The following SH3KBP1 variants were observed in gnomAD, a reference collection of about 807,000 sequenced individuals.
SH3KBP1 encodes SH3 domain containing kinase binding protein 1, also known as SH3 domain-containing kinase-binding protein 1.
Under a neutral mutation model 50.1 loss-of-function variants are expected in SH3KBP1, and 8 were observed. The observed-to-expected ratio is 0.16, with a 90% CI of 0.09 to 0.29. The LOEUF (loss-of-function observed/expected upper bound fraction) is 0.29. Among genes scored for constraint, SH3KBP1 ranks in the 10% least tolerant of loss-of-function variants. SH3KBP1 has a pLI of 1.00. For missense variants in SH3KBP1, 377 were observed against 535.2 expected (o/e 0.70, Z 2.92); for synonymous variants, 227 against 218.6 (o/e 1.04, Z -0.34).
At chrX:19,785,270 C>T (rs2066304442) in intron 2 of SH3KBP1, among the ~76,000 whole-genome samples, 1 of 109,571 alleles carries the variant, frequency 9.1e-6, no homozygotes, top group Non-Finnish European at 1.9e-5. Context: ...AATTCTCAAG[C>T]ACTTTTGGAG....
chrX:19,546,982 T>G (rs950861508), intron 14 of SH3KBP1, among the ~76,000 whole-genome samples: 1 of 110,171 alleles, frequency 9.1e-6, no homozygotes, highest in Non-Finnish European at 1.9e-5. Context: ...CGAAACTCTA[T>G]CTCTACGAAA....
chrX:19,869,403 A>ATGT (rs1439376033), intron 1 of SH3KBP1, among the ~76,000 whole-genome samples: 1 of 112,031 alleles, frequency 8.9e-6, no homozygotes, highest in African/African-American at 3.2e-5. Context: ...GGTGGAAGTG[A>ATGT]TGTAAGCAGT....
chrX:19,618,558 T>C (rs1447690619), intron 8 of SH3KBP1, among the ~76,000 whole-genome samples: 5 of 111,515 alleles, frequency 4.5e-5, no homozygotes, highest in Non-Finnish European at 9.4e-5. Context: ...ACCAGAATTA[T>C]TTATTGATTT....
At chrX:19,619,360 A>T (rs767072641) in intron 8 of SH3KBP1, among the ~76,000 whole-genome samples, 24 of 112,834 alleles carry the variant, frequency 2.1e-4, no homozygotes, top group Non-Finnish European at 4.5e-4. Context: ...GGACCTTCCC[A>T]ATGTCCTCGT....
rs142679668 is a variant in SH3KBP1, at chrX:19,862,626, A to T, written c.4+24681T>A. Among the ~76,000 whole-genome samples, 869 of 110,002 alleles carry T rather than the reference A, an allele frequency of 7.9e-3. 5 individuals carry two copies. The highest frequency in any genetic ancestry group is 0.013 in the Non-Finnish European group (684 of 52,883). ...GCCTCAAACTAGATACTATTCAGACATGTTACAGCCAAGTTAGTGTGAGTT... is the reference window on the plus strand; with the variant it reads ...GCCTCAAACTAGATACTATTCAGACTTGTTACAGCCAAGTTAGTGTGAGTT... On this transcript the variant is annotated intron_variant, in intron 1 of 17. Transcript: ENST00000397821.
At chrX:19,704,595 T>C (rs1477618010) in intron 4 of SH3KBP1, among the ~76,000 whole-genome samples, 4 of 112,466 alleles carry the variant, frequency 3.6e-5, no homozygotes, top group Admixed American at 1.9e-4. Flanking sequence ...TGCAAAAAAC[T>C]CTTTTTGTAT....
chrX:19,711,682 C>A (rs780912733), intron 3 of SH3KBP1, among the ~76,000 whole-genome samples: 80 of 98,000 alleles, frequency 8.2e-4, no homozygotes, highest in Admixed American at 2.3e-3. Context: ...CTGATATTTT[C>A]AAAGAATCCA....
At chrX:19,805,925 G>A (rs1012997325) in intron 2 of SH3KBP1, among the ~76,000 whole-genome samples, 2 of 111,589 alleles carry the variant, frequency 1.8e-5, no homozygotes, top group African/African-American at 6.5e-5. Flanking sequence ...ATTGCTAATG[G>A]TTGAAGAACT....
chrX:19,809,538 A>G (rs190084594), intron 2 of SH3KBP1, among the ~76,000 whole-genome samples: 6 of 111,236 alleles, frequency 5.4e-5, no homozygotes, highest in Admixed American at 2.9e-4. Context: ...AGAAAGAAAG[A>G]AAAAAAAAGT....
intron 11 of SH3KBP1, among the ~76,000 whole-genome samples, chrX:19,590,829 T>A (rs1424345858): frequency 1.1e-5 from 1 of 88,111 alleles, no homozygotes; most frequent in African/African-American, 4.2e-5. Flanking sequence ...TTTTTTTTTT[T>A]TTTTTTTTTT....
intron 1 of SH3KBP1, among the ~76,000 whole-genome samples, chrX:19,876,465 A>C (rs1033693923): frequency 2.7e-5 from 3 of 111,819 alleles, no homozygotes; most frequent in African/African-American, 9.8e-5. Context: ...AGGACAATAG[A>C]GCAGTCTCCT....
intron 5 of SH3KBP1, among the ~76,000 whole-genome samples, chrX:19,685,182 G>C (rs191098940): frequency 1.8e-5 from 2 of 112,228 alleles, no homozygotes; most frequent in Admixed American, 9.4e-5. Flanking sequence ...AGCCAATTGT[G>C]CATTATCTTC....
Position 19,542,102 on chromosome X carries a change from G to A in SH3KBP1, c.1715C>T (p.Ser572Phe). The A allele has an allele frequency of 1.7e-6, 2 of 1,211,296 alleles. No individual in the cohort carries two copies. The highest frequency in any genetic ancestry group is 2.2e-6 in the Non-Finnish European group (2 of 895,181). Residue 572 changes from serine to phenylalanine, a missense_variant, in exon 16 of 18, where the codon TCC (serine) becomes TTC (phenylalanine). Coordinates refer to ENST00000397821, the MANE Select transcript of SH3KBP1 (RefSeq NM_031892.3). ...GPAPLSSAAP[S>F]PLSSSLGTAG... ...TGTTCCCAAAGAGGATGACAGGGGG[G>A]AGGGCGCCGCTGAGGACAGAGGGGC...
chrX:19,718,141 C>T (rs1302340576), intron 3 of SH3KBP1, among the ~76,000 whole-genome samples: 21 of 76,310 alleles, frequency 2.8e-4, no homozygotes, highest in Non-Finnish European at 5.1e-4. Flanking sequence ...TTTATAAATA[C>T]ACACACACAC....
intron 6 of SH3KBP1, among the ~76,000 whole-genome samples, chrX:19,677,226 G>A (rs2062949927): frequency 9.0e-6 from 1 of 111,255 alleles, no homozygotes; most frequent in Non-Finnish European, 1.9e-5. Context: ...TGTAATACCT[G>A]ACACTCCTTT....
At chrX:19,841,342 T>C (rs972653461) in intron 1 of SH3KBP1, among the ~76,000 whole-genome samples, 1 of 112,540 alleles carries the variant, frequency 8.9e-6, no homozygotes, top group African/African-American at 3.2e-5. Flanking sequence ...TTCTAAATCC[T>C]TCACCTAGCA....
rs373645610 is a variant in SH3KBP1, at chrX:19,827,890, A to AAAAC, written c.162+8231_162+8234dup. On this transcript the variant is annotated intron_variant, in intron 2 of 17. Transcript: ENST00000397821. ...GGTCTGTCATGGTCTGTTAAACAAA[A>AAAAC]AAACAAACAAACAAACAAACAAACA... is the stretch of plus-strand genomic sequence containing the variant. Among the ~76,000 whole-genome samples the AAAAC allele has an allele frequency of 8.6e-3, 875 of 101,251 alleles. 26 individuals are homozygous for AAAAC. The highest frequency in any genetic ancestry group is 0.082 in the East Asian group (276 of 3,354). The allele number at this position is 101,251 out of a possible 115,157, so 87.9% of individuals were successfully genotyped here.
intron 1 of SH3KBP1, among the ~76,000 whole-genome samples, chrX:19,862,725 T>A (rs1303048841): frequency 1.8e-5 from 2 of 111,952 alleles, no homozygotes; most frequent in Non-Finnish European, 3.8e-5. Flanking sequence ...CATGAACTTG[T>A]TGAAGTCTCC....
At chrX:19,818,550 G>A (rs1603262879) in intron 2 of SH3KBP1, among the ~76,000 whole-genome samples, 1 of 111,773 alleles carries the variant, frequency 8.9e-6, no homozygotes, top group Admixed American at 9.5e-5. Context: ...GGTGCTAACT[G>A]CAGCATTTTT....
Sources: gnomAD v4.1 joint callset for allele counts (sites outside exome capture counted in the v4.1 genomes callset) on GRCh38, gnomAD v4.1.1 for gene constraint, MANE v1.5 for transcripts, NCBI Gene and HGNC (gene_info 2026-07-23, HGNC 2026-07-21) for gene names.